USP38: variants seen among roughly 807,000 people sequenced by gnomAD.
USP38 encodes the protein ubiquitin specific peptidase 38, also known as ubiquitin carboxyl-terminal hydrolase 38.
A neutral mutation model predicts 94.3 loss-of-function variants in USP38; 49 were observed. The ratio of observed to expected loss-of-function variants is 0.52; its 90% CI spans 0.41 to 0.66. The LOEUF is 0.66. USP38 is among the 30% of genes least tolerant of loss of function. The pLI, the probability that USP38 is intolerant of heterozygous loss-of-function variation, is 0.00. For synonymous variants in USP38, 468 were observed against 463.6 expected, an observed-to-expected ratio of 1.01 and a Z score of -0.12; for missense variants, 1,128 against 1,229.4, an observed-to-expected ratio of 0.92 and a Z score of 1.23.
intron 7 of USP38, 29 bp downstream of exon 7, chr4:143,209,686 T>G: frequency 7.2e-7 from 1 of 1,382,000 alleles, no homozygotes; most frequent in Non-Finnish European, 1.0e-6. Flanking sequence ...ATAGTACGTT[T>G]ATGTTAACTG....
At position 143,185,241 on chromosome 4, in the gene USP38, T is replaced by G. The variant is rs1684793070; in HGVS notation, c.-210T>G. The G allele has an allele frequency of 5.1e-6, 3 of 591,990 alleles. No individual in the cohort carries two copies. The highest frequency in any genetic ancestry group is 8.6e-6 in the Non-Finnish European group (3 of 347,668). 36.7% of individuals were successfully genotyped at this position (591,990 alleles called of 1,614,324 possible). ...TAGGCCAGCCGCAGGTGTCGGTTCT[T>G]AGGCTCTCCAGGCTCGCTAGCTCCC... On this transcript the variant is annotated 5_prime_UTR_variant, in exon 1 of 10. It removes the in-frame stop codon of an upstream open reading frame in the 5' UTR. Transcript: ENST00000307017.
rs528423111 is a variant in USP38, at chr4:143,193,767, G to C, written c.819-1949G>C. 1.5e-3 allele frequency among the ~76,000 whole-genome samples: 226 copies of C among 152,334 alleles called. 3 individuals are homozygous for C. Among genetic ancestry groups the C allele is most frequent in the African/African-American group, 5.3e-3 (220 of 41,582 alleles). ...TAGATAGTTATATAACACAACTGTT[G>C]TGAAAATAACCATATAAATGAAGAT... On this transcript the variant is annotated intron_variant, in intron 2 of 9. Transcript: ENST00000307017.
Position 143,213,577 on chromosome 4 carries a change from G to A in USP38, c.1605-4G>A. 6.3e-7 allele frequency: 1 copy of A among 1,593,166 alleles called. No individual in the cohort carries two copies. Among genetic ancestry groups the A allele is most frequent in the Non-Finnish European group, 8.5e-7 (1 of 1,172,470 alleles). On this transcript the variant is annotated splice_region_variant and splice_polypyrimidine_tract_variant and intron_variant, in intron 8 of 9. Coordinates refer to ENST00000307017, the MANE Select transcript of USP38 (RefSeq NM_032557.6). Reference sequence around the variant, plus strand: ...TAGCTATATAATGATATCCTCTGCTGCAGGCTCCATGAAGAAGAAAAGATC... The same window carrying A: ...TAGCTATATAATGATATCCTCTGCTACAGGCTCCATGAAGAAGAAAAGATC...
intron 5 of USP38, among the ~76,000 whole-genome samples, chr4:143,205,049 A>G (rs1731822817): frequency 6.6e-6 from 1 of 152,168 alleles, no homozygotes; most frequent in Admixed American, 6.5e-5. Context: ...AGCATTGTGA[A>G]GTGGATTTGA....
At chr4:143,189,459 T>C (rs533355428) in intron 2 of USP38, among the ~76,000 whole-genome samples, 18 of 152,158 alleles carry the variant, frequency 1.2e-4, no homozygotes, top group Non-Finnish European at 2.5e-4. Flanking sequence ...AATTATAAGG[T>C]AACATATAAA....
intron 4 of USP38, 26 bp from the exon 5 acceptor site, chr4:143,203,382 C>T: frequency 6.3e-7 from 1 of 1,594,790 alleles, no homozygotes; most frequent in Non-Finnish European, 8.6e-7. Flanking sequence ...ATAAATTCAG[C>T]ATTGTTTATC....
intron 4 of USP38, among the ~76,000 whole-genome samples, chr4:143,198,570 C>T (rs569301229): frequency 6.6e-6 from 1 of 152,226 alleles, no homozygotes; most frequent in Non-Finnish European, 1.5e-5. Context: ...AATAAACCCA[C>T]AGTGGAAAAA....
At chr4:143,186,217 C>T (rs1731220719) in intron 1 of USP38, 85 bp downstream of exon 1, 1 of 1,395,646 alleles carries the variant, frequency 7.2e-7, no homozygotes, top group East Asian at 2.3e-5. Flanking sequence ...ATGTTTTCCT[C>T]CTGCCCTAAA....
In USP38 at chr4:143,185,828, C is replaced by T. The variant is rs747560397; in HGVS notation, c.378C>T (p.Leu126=). The change falls in exon 1 of 10, where the codon CTC becomes CTT. Residue 126 remains leucine (L), a synonymous_variant. Transcript: ENST00000307017. The stretch of plus-strand genomic sequence containing the variant: ...CGTCGGTGCTGGATCTCTTTAGCCT[C>T]CTGCAGGTAGAGGTGTTACGGATGG... ...SCPSVLDLFS[L]LQVEVLRMVC... is the part of the protein sequence containing the mutation. The T allele has an allele frequency of 3.7e-6, 6 of 1,614,200 alleles. No homozygotes were observed. Among genetic ancestry groups the T allele is most frequent in the South Asian group, 2.2e-5 (2 of 91,080 alleles).
chr4:143,195,422 C>G (rs1053749462), intron 2 of USP38, among the ~76,000 whole-genome samples: 16 of 152,290 alleles, frequency 1.1e-4, no homozygotes, highest in Non-Finnish European at 1.8e-4. Context: ...GAATACTCAA[C>G]CTGTGCCACT....
chr4:143,192,154 C>T (rs895011012), intron 2 of USP38, among the ~76,000 whole-genome samples: 1 of 152,202 alleles, frequency 6.6e-6, no homozygotes, highest in East Asian at 1.9e-4. Context: ...ATATTCTCAG[C>T]ACCAAACACA....
intron 4 of USP38, among the ~76,000 whole-genome samples, chr4:143,202,897 A>C (rs1434787899): frequency 1.3e-5 from 2 of 152,124 alleles, no homozygotes; most frequent in Non-Finnish European, 2.9e-5. Flanking sequence ...ATCTAAAAGT[A>C]ATCCCATTAC....
At position 143,206,078 on chromosome 4, in the gene USP38, C is replaced by G. The variant is rs1404025439; in HGVS notation, c.1255C>G (p.Gln419Glu). The stretch of plus-strand genomic sequence containing the variant: ...AGAGAAGATTAAGTTAATTCTCAAT[C>G]AAAGTGCCTGGACTTCTCAATCCAA... ...SEEKIKLILNQSAWTSQSNSL... is the reference protein window; with the variant it reads ...SEEKIKLILNESAWTSQSNSL... Residue 419 changes from glutamine to glutamate, a missense_variant, in exon 6 of 10, where the codon CAA becomes GAA. Transcript: ENST00000307017. The G allele has an allele frequency of 6.2e-7, 1 of 1,612,274 alleles. No homozygotes were observed. The highest frequency in any genetic ancestry group is 1.3e-5 in the African/African-American group (1 of 74,956).
At chr4:143,201,969 A>G (rs1731728041) in intron 4 of USP38, among the ~76,000 whole-genome samples, 1 of 152,192 alleles carries the variant, frequency 6.6e-6, no homozygotes, top group African/African-American at 2.4e-5. Flanking sequence ...ATAGACAACC[A>G]TATAACCTGA....
chr4:143,210,561 T>A (rs1233707776), intron 7 of USP38, among the ~76,000 whole-genome samples: 2 of 151,542 alleles, frequency 1.3e-5, no homozygotes, highest in Non-Finnish European at 2.9e-5. Flanking sequence ...CACTCCAGCC[T>A]AGCTAACAGA....
chr4:143,207,343 G>A (rs1478466689), intron 6 of USP38, among the ~76,000 whole-genome samples: 1 of 152,170 alleles, frequency 6.6e-6, no homozygotes, highest in African/African-American at 2.4e-5. Flanking sequence ...TTTGAGACCA[G>A]CCTGACCAAC....
chr4:143,207,911 A>T (rs1731916225), intron 6 of USP38, among the ~76,000 whole-genome samples: 1 of 152,180 alleles, frequency 6.6e-6, no homozygotes, highest in South Asian at 2.1e-4. Flanking sequence ...TTTCTTAAGT[A>T]ATATATGAAT....
intron 7 of USP38, 117 bp downstream of exon 7, chr4:143,209,774 G>A (rs1158559978): frequency 5.0e-6 from 3 of 598,874 alleles, no homozygotes; most frequent in Non-Finnish European, 5.6e-6. Context: ...ATCTCACCCA[G>A]TATAACAAAT....
intron 8 of USP38, 119 bp from the exon 9 acceptor site, chr4:143,213,462 A>G (rs1243794463): frequency 8.6e-7 from 1 of 1,160,612 alleles, no homozygotes; most frequent in African/African-American, 1.6e-5. Flanking sequence ...AACAGGAAAA[A>G]CCTGATTTGT....
Sources: allele counts gnomAD v4.1 joint callset (sites outside exome capture counted in the v4.1 genomes callset), GRCh38; gene constraint gnomAD v4.1.1; transcripts MANE v1.5; gene names NCBI Gene and HGNC (gene_info 2026-07-23, HGNC 2026-07-21).